POLE2: variants seen among roughly 807,000 people sequenced by gnomAD.
POLE2 encodes the protein DNA polymerase epsilon 2, accessory subunit, also known as DNA polymerase epsilon subunit 2.
Under a neutral mutation model 79.4 loss-of-function variants are expected in POLE2, and 56 were observed. That is an observed-to-expected ratio of 0.71 (90% CI 0.57 to 0.88). POLE2 has a LOEUF of 0.88. Ranked by LOEUF, POLE2 falls within the 40% of genes least tolerant of loss-of-function variation. POLE2 has a pLI of 0.00. For synonymous variants in POLE2, 212 were observed against 214.0 expected, an observed-to-expected ratio of 0.99 and a Z score of 0.08; for missense variants, 598 against 638.9, an observed-to-expected ratio of 0.94 and a Z score of 0.69.
chr14:49,671,114 G>A (rs974364380), intron 5 of POLE2, among the ~76,000 whole-genome samples: 1 of 152,150 alleles, frequency 6.6e-6, no homozygotes, highest in African/African-American at 2.4e-5. Context: ...AATAAACGAG[G>A]CTCAGAAGGG....
intron 13 of POLE2, chr14:49,654,437 G>T (rs1473584662): frequency 2.1e-6 from 1 of 487,200 alleles, no homozygotes; most frequent in East Asian, 3.4e-5. Flanking sequence ...TTGAATTGTG[G>T]CTAGCATAGC....
intron 3 of POLE2, 23 bp downstream of exon 3, chr14:49,679,702 A>G (rs747715275): frequency 1.5e-6 from 2 of 1,378,572 alleles, no homozygotes; most frequent in Non-Finnish European, 2.0e-6. Flanking sequence ...CAAGGAGGAA[A>G]AAAGTTAACT....
rs560650550 is a variant in POLE2 at position 49,674,311 on chromosome 14, A to G, written c.323+39T>C. The G allele has an allele frequency of 3.3e-6, 5 of 1,508,374 alleles. No homozygotes were observed. In the South Asian group the frequency reaches 4.5e-5, roughly 14 times the overall value. The allele number at this position is 1,508,374 out of a possible 1,614,324, so 93.4% of individuals were successfully genotyped here. ...CTATACCTTCTGAAAAAAAAAGTAC[A>G]TTTGAAATTAATTTAAAATCAGTGG... On this transcript the variant is annotated intron_variant, in intron 4 of 18. Coordinates refer to ENST00000216367, the MANE Select transcript of POLE2 (RefSeq NM_002692.4).
At chr14:49,687,722 A>G (rs942096530) in intron 1 of POLE2, among the ~76,000 whole-genome samples, 7 of 151,936 alleles carry the variant, frequency 4.6e-5, no homozygotes, top group African/African-American at 1.7e-4. Context: ...CTTTTTTTTA[A>G]TGGAGTCTCT....
chr14:49,667,260 T>C (rs1170450494), intron 6 of POLE2, among the ~76,000 whole-genome samples: 2 of 152,020 alleles, frequency 1.3e-5, no homozygotes, highest in Non-Finnish European at 2.9e-5. Context: ...AATACATACA[T>C]ATATAATTTA....
chr14:49,660,558 G>C lies in POLE2; in HGVS notation c.755+2757C>G, dbSNP rs189721447. ...CTTTTCCAATGCAGCATACTGGCTT[G>C]AGTCGGAAACCTTGGGATCAAAGCA... On this transcript the variant is annotated intron_variant, in intron 10 of 18. Transcript: ENST00000216367. Among the ~76,000 whole-genome samples, 1,241 of 151,766 alleles carry C rather than the reference G, an allele frequency of 8.2e-3. 6 individuals are homozygous for C. Among genetic ancestry groups the C allele is most frequent in the Admixed American group, 0.013 (194 of 15,258 alleles).
At position 49,664,667 on chromosome 14, in the gene POLE2, T is replaced by G. The variant is rs1456605640; in HGVS notation, c.641A>C (p.His214Pro). The G allele has an allele frequency of 6.3e-7, 1 of 1,588,424 alleles. No individual in the cohort carries two copies. Among genetic ancestry groups the G allele is most frequent in the South Asian group, 1.1e-5 (1 of 90,502 alleles). ...GCATGCCTCTGTGTATAAACCACTA[T>G]GGAACTGGTACACAACAGTTGAGGA... ...VQLDLSKAQF[H>P]SGLYTEACFV... The change falls in exon 9 of 19, where the codon CAT (histidine) becomes CCT (proline). Residue 214 changes from histidine to proline, a missense_variant. By Grantham distance (77) the His-to-Pro change is moderately conservative (BLOSUM62 -2). Transcript: ENST00000216367.
In POLE2 at chr14:49,662,133, C is replaced by A. The variant is rs1047509030; in HGVS notation, c.755+1182G>T. On this transcript the variant is annotated intron_variant, in intron 10 of 18. Coordinates refer to ENST00000216367, the MANE Select transcript of POLE2 (RefSeq NM_002692.4). ...CCAAAAGCACTCAAATAGAGGTGAG[C>A]TTGGCTTGATTAGGGCTTGTGTTCT... Among the ~76,000 whole-genome samples the A allele has an allele frequency of 3.6e-4, 55 of 152,178 alleles. 1 individual carries two copies. The highest frequency in any genetic ancestry group is 1.3e-3 in the African/African-American group (53 of 41,438).
chr14:49,658,763 G>A (rs145098494), intron 10 of POLE2, among the ~76,000 whole-genome samples: 6 of 152,312 alleles, frequency 3.9e-5, no homozygotes, highest in Admixed American at 2.6e-4. Flanking sequence ...CTACTGAGCT[G>A]CCAGTTGTAG....
At chr14:49,678,813 C>T (rs1393820556) in intron 3 of POLE2, among the ~76,000 whole-genome samples, 1 of 150,992 alleles carries the variant, frequency 6.6e-6, no homozygotes, top group Non-Finnish European at 1.5e-5. Context: ...CGCCCCACTA[C>T]CGCCCAGCTA....
intron 2 of POLE2, among the ~76,000 whole-genome samples, chr14:49,682,889 T>G (rs1566573282): frequency 6.6e-6 from 1 of 151,850 alleles, no homozygotes; most frequent in Non-Finnish European, 1.5e-5. Context: ...TTACTCTTCT[T>G]TTTTTCCTCC....
At chr14:49,658,829 ATGAC>A (rs1332747006) in intron 10 of POLE2, among the ~76,000 whole-genome samples, 3 of 152,202 alleles carry the variant, frequency 2.0e-5, no homozygotes, top group Non-Finnish European at 4.4e-5. Context: ...ACAATAATAA[ATGAC>A]TATGTTACTA....
rs753598397 is a variant in POLE2 at position 49,654,767 on chromosome 14, G to C, written c.1073+17C>G. 1.6e-4 allele frequency: 233 copies of C among 1,482,576 alleles called. No individual in the cohort carries two copies. Among genetic ancestry groups the C allele is most frequent in the Non-Finnish European group, 2.0e-4 (223 of 1,123,140 alleles). The allele number at this position is 1,482,576 out of a possible 1,614,324, so 91.8% of individuals were successfully genotyped here. On this transcript the variant is annotated intron_variant, in intron 13 of 18. Coordinates refer to ENST00000216367, the MANE Select transcript of POLE2 (RefSeq NM_002692.4). ...AAGTAAAACGGTGAAAAAATATATA[G>C]TGCTAGAGATCATTACCTTTGGTGA...
intron 1 of POLE2, among the ~76,000 whole-genome samples, chr14:49,686,274 A>G (rs1243885901): frequency 3.3e-5 from 5 of 152,200 alleles, no homozygotes; most frequent in Non-Finnish European, 7.3e-5. Context: ...AAAAGTAAAA[A>G]AAATTTAAAA....
At chr14:49,665,264 A>G in intron 7 of POLE2, 101 bp from the exon 8 acceptor site, 1 of 640,688 alleles carries the variant, frequency 1.6e-6, no homozygotes, top group South Asian at 1.8e-5. Context: ...AATAGGGAGA[A>G]AGTGGATTTT....
chr14:49,683,471 T>C (rs1392286240), intron 2 of POLE2, 122 bp downstream of exon 2: 3 of 548,164 alleles, frequency 5.5e-6, no homozygotes, highest in African/African-American at 1.9e-5. Flanking sequence ...CTACCATGCA[T>C]ACATCTTATA....
At position 49,674,504 on chromosome 14, in the gene POLE2, A is replaced by G. The variant is rs45582037; in HGVS notation, c.246-77T>C. 5,931 of 842,274 alleles carry G rather than the reference A, an allele frequency of 7.0e-3. 33 individuals are homozygous for G. Among genetic ancestry groups the G allele is most frequent in the Non-Finnish European group, 8.5e-3 (4,269 of 503,708 alleles). The allele number at this position is 842,274 out of a possible 1,614,324, so 52.2% of individuals were successfully genotyped here. A position where few individuals can be genotyped will look rare whatever the true frequency, so the allele number is the denominator to read the frequency against. ...CTAGGTGAACATGATAACTTGCATT[A>G]TAAGTATTTGTAATAACACACTTTT... On this transcript the variant is annotated intron_variant, in intron 3 of 18. Transcript: ENST00000216367.
intron 6 of POLE2, among the ~76,000 whole-genome samples, chr14:49,667,777 T>C (rs1269678525): frequency 6.6e-6 from 1 of 152,180 alleles, no homozygotes; most frequent in Non-Finnish European, 1.5e-5. Context: ...AAAGGATATA[T>C]AAGTTTTCAT....
intron 10 of POLE2, among the ~76,000 whole-genome samples, chr14:49,656,525 A>G (rs1884691974): frequency 6.6e-6 from 1 of 152,196 alleles, no homozygotes; most frequent in South Asian, 2.1e-4. Flanking sequence ...AATCCTAAGG[A>G]ATTAAAGATA....
Sources: gnomAD v4.1 joint callset for allele counts (sites outside exome capture counted in the v4.1 genomes callset) on GRCh38, gnomAD v4.1.1 for gene constraint, MANE v1.5 for transcripts, NCBI Gene and HGNC (gene_info 2026-07-23, HGNC 2026-07-21) for gene names.